Variants in CCDC201 observed in about 807,000 individuals in gnomAD.
The protein encoded by CCDC201 is coiled-coil domain-containing protein 201.
chr7:45,884,025 TTCTTC>T, the CCDC201 span, among the ~76,000 whole-genome samples: 13 of 150,784 alleles, frequency 8.6e-5, no homozygotes, highest in East Asian at 2.0e-4. Context: ...TTCTCTCTCT[TTCTTC>T]CTTCCTTCCT....
At chr7:45,869,109 AT>A (rs746127254) in intron 1 of CCDC201, among the ~76,000 whole-genome samples, 8 of 152,190 alleles carry the variant, frequency 5.3e-5, no homozygotes, top group Non-Finnish European at 1.0e-4. Context: ...ACAATAGAAT[AT>A]TTGAATGTGG....
At chr7:45,865,935 G>A (rs73322923) in intron 2 of CCDC201, 101 bp downstream of exon 2, 10,638 of 153,028 alleles carry the variant, frequency 0.07, 588 homozygotes, top group African/African-American at 0.15. Context: ...GGAGGGTGTT[G>A]AGTGCTCCAT....
the CCDC201 span, among the ~76,000 whole-genome samples, chr7:45,884,862 G>A: frequency 2.0e-5 from 3 of 152,110 alleles, no homozygotes; most frequent in Non-Finnish European, 4.4e-5. Flanking sequence ...GCTCAGTGTA[G>A]GGCATCCCAT....
chr7:45,877,620 A>C (rs1786827295), upstream of CCDC201, among the ~76,000 whole-genome samples: 2 of 152,168 alleles, frequency 1.3e-5, no homozygotes, highest in South Asian at 4.1e-4. Flanking sequence ...AGGAGGTGCT[A>C]TACACTTTCA....
the CCDC201 span, among the ~76,000 whole-genome samples, chr7:45,883,590 C>T: frequency 1.3e-5 from 2 of 152,152 alleles, no homozygotes; most frequent in African/African-American, 2.4e-5. Context: ...GCAGTTGGCT[C>T]CAGGGAGTCC....
chr7:45,867,761 T>C (rs1786693883), intron 1 of CCDC201, among the ~76,000 whole-genome samples: 1 of 152,198 alleles, frequency 6.6e-6, no homozygotes, highest in Non-Finnish European at 1.5e-5. Context: ...CTGATAACTG[T>C]GTCATAAGTT....
intron 1 of CCDC201, among the ~76,000 whole-genome samples, chr7:45,867,432 G>A (rs1786690502): frequency 6.6e-6 from 1 of 152,180 alleles, no homozygotes; most frequent in South Asian, 2.1e-4. Context: ...TGCAGGCAAT[G>A]ACATCCTAAA....
At chr7:45,864,861 C>A (rs1237454718) in intron 2 of CCDC201, among the ~76,000 whole-genome samples, 2 of 152,078 alleles carry the variant, frequency 1.3e-5, no homozygotes, top group Admixed American at 1.3e-4. Context: ...CATCCAACTG[C>A]AGAGGATCAC....
the CCDC201 span, among the ~76,000 whole-genome samples, chr7:45,883,539 C>T: frequency 5.7e-4 from 87 of 152,200 alleles, 1 homozygote; most frequent in Admixed American, 2.5e-3. Flanking sequence ...CCATTAGAGT[C>T]GATGACGACT....
At chr7:45,873,621 C>G (rs146630144), upstream of CCDC201, among the ~76,000 whole-genome samples, 1,007 of 152,290 alleles carry the variant, frequency 6.6e-3, 9 homozygotes, top group African/African-American at 0.023. Flanking sequence ...CTAACGACTC[C>G]CAGGTGTTGC....
chr7:45,873,737 C>G (rs1211722183), upstream of CCDC201, among the ~76,000 whole-genome samples: 2 of 152,180 alleles, frequency 1.3e-5, no homozygotes, highest in Non-Finnish European at 2.9e-5. Flanking sequence ...CTGATCTATA[C>G]TAATAGTAAT....
At chr7:45,880,515 T>C in the CCDC201 span, among the ~76,000 whole-genome samples, 2 of 152,138 alleles carry the variant, frequency 1.3e-5, no homozygotes, top group African/African-American at 4.8e-5. Flanking sequence ...GGGCACACTG[T>C]ATGCTGGTGA....
At chr7:45,871,012 T>A (rs1471468505) in intron 1 of CCDC201, among the ~76,000 whole-genome samples, 1 of 152,218 alleles carries the variant, frequency 6.6e-6, no homozygotes, top group East Asian at 1.9e-4. Context: ...CAGAAACTAC[T>A]TTTAACTAAT....
chr7:45,873,235 C>G (rs78957199), upstream of CCDC201, among the ~76,000 whole-genome samples: 494 of 152,240 alleles, frequency 3.2e-3, 5 homozygotes, highest in African/African-American at 0.011. Flanking sequence ...TGCACCTGAG[C>G]CTGTGGGAAG....
chr7:45,882,374 A>C, the CCDC201 span, among the ~76,000 whole-genome samples: 1 of 152,234 alleles, frequency 6.6e-6, no homozygotes, highest in African/African-American at 2.4e-5. Flanking sequence ...CAGGCAATCC[A>C]TCATCCCCAT....
chr7:45,860,397 G>A (rs1826839), exon 3 of CCDC201: 44,145 of 152,004 alleles, frequency 0.29, 6,535 homozygotes, highest in East Asian at 0.36. Flanking sequence ...GCTTAGCTTG[G>A]GCTCAGGGGC....
At chr7:45,879,380 G>T in the CCDC201 span, among the ~76,000 whole-genome samples, 1 of 152,148 alleles carries the variant, frequency 6.6e-6, no homozygotes, top group Non-Finnish European at 1.5e-5. Context: ...TTCTGCATTA[G>T]TTCATTCTCA....
chr7:45,864,840 A>G (rs2116517255), intron 2 of CCDC201, among the ~76,000 whole-genome samples: 1 of 152,358 alleles, frequency 6.6e-6, no homozygotes, highest in South Asian at 2.1e-4. Flanking sequence ...AGAATCAATC[A>G]GGATGTCCAA....
At chr7:45,880,272 TAGGAA>T in the CCDC201 span, among the ~76,000 whole-genome samples, 2 of 152,236 alleles carry the variant, frequency 1.3e-5, no homozygotes, top group Admixed American at 6.5e-5. Flanking sequence ...AAAATATCAT[TAGGAA>T]AGGAAAGGAA....
Sources: allele counts gnomAD v4.1 joint callset (sites outside exome capture counted in the v4.1 genomes callset), GRCh38; gene constraint gnomAD v4.1.1; transcripts MANE v1.5; gene names NCBI Gene and HGNC (gene_info 2026-07-23, HGNC 2026-07-21).